Variants in ADGB observed in about 807,000 individuals in gnomAD.
ADGB encodes the protein androglobin.
ADGB carries 172 observed loss-of-function variants against 210.5 expected under a neutral mutation model. The observed-to-expected ratio is 0.82, with a 90% CI of 0.72 to 0.93. The LOEUF is 0.93. Among genes scored for constraint, ADGB ranks in the 40% least tolerant of loss-of-function variants. ADGB has a pLI of 0.00. For synonymous variants in ADGB, 658 were observed against 662.7 expected, an observed-to-expected ratio of 0.99 and a Z score of 0.11; for missense variants, 2,025 against 1,964.8, an observed-to-expected ratio of 1.03 and a Z score of -0.58.
chr6:146,619,254 A>G (rs1022774953), intron 1 of ADGB, among the ~76,000 whole-genome samples: 1 of 151,982 alleles, frequency 6.6e-6, no homozygotes, highest in Non-Finnish European at 1.5e-5. Flanking sequence ...TTCAGTATGT[A>G]TGTGTCCTTA....
chr6:146,633,163 G>A (rs776805718), intron 1 of ADGB, among the ~76,000 whole-genome samples: 2 of 151,880 alleles, frequency 1.3e-5, no homozygotes, highest in Non-Finnish European at 2.9e-5. Flanking sequence ...TCCGTACCAC[G>A]GTCTTCTGTC....
intron 2 of ADGB, among the ~76,000 whole-genome samples, chr6:146,640,192 C>A (rs1051313976): frequency 2.6e-5 from 4 of 151,964 alleles, no homozygotes; most frequent in African/African-American, 9.7e-5. Context: ...CACATACACC[C>A]TCCTAAGACT....
intron 9 of ADGB, among the ~76,000 whole-genome samples, chr6:146,681,017 C>T (rs1417587): frequency 6.6e-6 from 1 of 151,924 alleles, no homozygotes; most frequent in Non-Finnish European, 1.5e-5. Flanking sequence ...ACAAGCTGTA[C>T]TGTTTATCAC....
At chr6:146,776,013 A>C (rs1007324876) in intron 29 of ADGB, among the ~76,000 whole-genome samples, 9 of 152,104 alleles carry the variant, frequency 5.9e-5, no homozygotes. Flanking sequence ...GAATTTTTAC[A>C]ATTTTTATAT....
At chr6:146,770,470 C>A in intron 29 of ADGB, 1 of 385,358 alleles carries the variant, frequency 2.6e-6, no homozygotes, top group Non-Finnish European at 5.7e-6. Flanking sequence ...TCGCACTGTG[C>A]GGCCTCTTCT....
At chr6:146,707,635 T>C (rs1299020707) in intron 13 of ADGB, among the ~76,000 whole-genome samples, 1 of 152,142 alleles carries the variant, frequency 6.6e-6, no homozygotes, top group South Asian at 2.1e-4. Context: ...TCTATTTTAT[T>C]TGATATAAAT....
At chr6:146,658,865 C>A (rs892611666) in intron 5 of ADGB, among the ~76,000 whole-genome samples, 4 of 152,192 alleles carry the variant, frequency 2.6e-5, no homozygotes, top group Non-Finnish European at 5.9e-5. Context: ...TCTGTTTCCT[C>A]AGTGGTCTCA....
intron 26 of ADGB, among the ~76,000 whole-genome samples, chr6:146,746,647 C>A (rs571610724): frequency 6.6e-6 from 1 of 152,152 alleles, no homozygotes; most frequent in Admixed American, 6.6e-5. Context: ...TCTCATTCTC[C>A]CTATCCATTT....
chr6:146,630,051 A>G (rs1217139019), intron 1 of ADGB, among the ~76,000 whole-genome samples: 1 of 152,114 alleles, frequency 6.6e-6, no homozygotes, highest in Non-Finnish European at 1.5e-5. Flanking sequence ...AGCCTGGCCA[A>G]CATGATGAAA....
chr6:146,684,260 C>T (rs1487744596), intron 9 of ADGB, among the ~76,000 whole-genome samples: 1 of 152,038 alleles, frequency 6.6e-6, no homozygotes, highest in Non-Finnish European at 1.5e-5. Context: ...GCAGAAAGTT[C>T]TGAAGATAGA....
chr6:146,740,312 A>G, intron 23 of ADGB, 147 bp from the exon 24 acceptor site: 1 of 708,308 alleles, frequency 1.4e-6, no homozygotes, highest in Admixed American at 3.0e-5. Context: ...ATCAGGGACT[A>G]CACAGACCCC....
chr6:146,720,704 T>C (rs1214510585), intron 16 of ADGB, among the ~76,000 whole-genome samples: 1 of 151,942 alleles, frequency 6.6e-6, no homozygotes, highest in Non-Finnish European at 1.5e-5. Context: ...AGCAAACACG[T>C]CTTACCATGG....
chr6:146,780,952 C>T (rs146161714), intron 29 of ADGB, among the ~76,000 whole-genome samples: 1 of 152,092 alleles, frequency 6.6e-6, no homozygotes, highest in African/African-American at 2.4e-5. Flanking sequence ...ATCAACAAAA[C>T]AAGTCTAAAT....
chr6:146,668,599 A>G (rs1775967228), intron 7 of ADGB, among the ~76,000 whole-genome samples: 1 of 152,042 alleles, frequency 6.6e-6, no homozygotes, highest in African/African-American at 2.4e-5. Context: ...TGAGATTTTA[A>G]AAGTATGGAG....
rs144720315 is a variant in ADGB, at chr6:146,699,397, C to T, written c.1578-1544C>T. ...GAGTCCGAAGGGCAGAAGCCCTGGA[C>T]TTTTGATGTCTAAGGGCAGGAGAAG... On this transcript the variant is annotated intron_variant, in intron 12 of 35. Coordinates refer to ENST00000397944, the MANE Select transcript of ADGB (RefSeq NM_024694.4). 4.3e-4 allele frequency among the ~76,000 whole-genome samples: 66 copies of T among 152,228 alleles called. No individual in the cohort carries two copies. In the East Asian group the frequency reaches 8.3e-3, roughly 19 times the overall value.
chr6:146,655,901 T>A (rs1478091739), intron 4 of ADGB, among the ~76,000 whole-genome samples: 3 of 152,182 alleles, frequency 2.0e-5, no homozygotes, highest in Non-Finnish European at 4.4e-5. Context: ...ATTAAATATT[T>A]AATTTCCTTA....
At chr6:146,678,147 A>G (rs1440250224) in intron 9 of ADGB, among the ~76,000 whole-genome samples, 1 of 152,216 alleles carries the variant, frequency 6.6e-6, no homozygotes, top group Non-Finnish European at 1.5e-5. Context: ...GATAATGGAT[A>G]GACAGTAAGT....
chr6:146,608,377 G>T (rs1780660550), intron 1 of ADGB, among the ~76,000 whole-genome samples: 1 of 152,002 alleles, frequency 6.6e-6, no homozygotes, highest in East Asian at 1.9e-4. Context: ...ATTTGTTTCA[G>T]CACATCTCTA....
Position 146,782,065 on chromosome 6 carries a change from A to G in ADGB, c.3908A>G (p.Asp1303Gly). Residue 1303 changes from aspartate (D) to glycine (G), a missense_variant, in exon 30 of 36, where the codon GAC becomes GGC. Transcript: ENST00000397944. ...GAGTTAATTAACTTAGGAAGCCCAG[A>G]CTCCCACACTATTAGTGAGGGACAA... Reference protein sequence around the residue: ...HEELINLGSPDSHTISEGQKS... With the variant: ...HEELINLGSPGSHTISEGQKS... 2 of 1,524,598 alleles carry G rather than the reference A, an allele frequency of 1.3e-6. No homozygotes were observed. The highest frequency in any genetic ancestry group is 1.8e-6 in the Non-Finnish European group (2 of 1,138,496). 94.4% of individuals were successfully genotyped at this position (1,524,598 alleles called of 1,614,324 possible). A position where few individuals can be genotyped will look rare whatever the true frequency, so the allele number is the denominator to read the frequency against.
Sources: gnomAD v4.1 joint callset for allele counts (sites outside exome capture counted in the v4.1 genomes callset) on GRCh38, gnomAD v4.1.1 for gene constraint, MANE v1.5 for transcripts, NCBI Gene and HGNC (gene_info 2026-07-23, HGNC 2026-07-21) for gene names.